IGSF21: variants seen among roughly 807,000 people sequenced by gnomAD.
The protein encoded by IGSF21 is immunoglobin superfamily member 21, also known as immunoglobulin superfamily member 21.
A neutral mutation model predicts 46.8 loss-of-function variants in IGSF21; 28 were observed. That is an observed-to-expected ratio of 0.60 (90% confidence interval 0.44 to 0.82). The LOEUF (loss-of-function observed/expected upper bound fraction) is 0.82, where lower values mean the gene tolerates loss of function less well. IGSF21 is among the 40% of genes least tolerant of loss of function. The pLI, the probability that IGSF21 is intolerant of heterozygous loss-of-function variation, is 0.00. For missense variants in IGSF21, 624 were observed against 665.5 expected (o/e 0.94, Z 0.69); for synonymous variants, 284 against 273.6 (o/e 1.04, Z -0.38).
intron 2 of IGSF21, among the ~76,000 whole-genome samples, chr1:18,288,377 C>A (rs900579385): frequency 1.3e-5 from 2 of 152,160 alleles, no homozygotes; most frequent in African/African-American, 4.8e-5. Flanking sequence ...TTACCTGTTG[C>A]TGCTGCAGCC....
At position 18,150,444 on chromosome 1, in the gene IGSF21, G is replaced by C. The variant is rs538464849; in HGVS notation, c.70+42246G>C. Among the ~76,000 whole-genome samples the C allele has an allele frequency of 2.6e-5, 4 of 152,228 alleles. No homozygotes were observed. The East Asian group carries it at 7.7e-4, about 29-fold the overall frequency. On this transcript the variant is annotated intron_variant, in intron 1 of 9. Transcript: ENST00000251296. ...TCAGGATACTTAAGGTAGTTTATAG[G>C]TTTTAACTGAGTTCCTGCCGTGTGC...
intron 3 of IGSF21, among the ~76,000 whole-genome samples, chr1:18,324,060 C>T (rs1337247864): frequency 1.3e-5 from 2 of 152,048 alleles, no homozygotes; most frequent in African/African-American, 4.8e-5. Flanking sequence ...GGCTGTACAA[C>T]CTGGGAGACC....
intron 2 of IGSF21, among the ~76,000 whole-genome samples, chr1:18,257,121 G>A (rs2084900233): frequency 1.3e-5 from 2 of 152,164 alleles, no homozygotes; most frequent in Admixed American, 6.5e-5. Context: ...GATGGGCCAG[G>A]GCAGTCAAGC....
intron 7 of IGSF21, among the ~76,000 whole-genome samples, 163 bp downstream of exon 7, chr1:18,376,558 T>A (rs1005255598): frequency 8.5e-5 from 13 of 152,156 alleles, no homozygotes; most frequent in African/African-American, 3.1e-4. Context: ...TCAGCTCCCA[T>A]GAGGAATGGC....
rs74662725 is a variant in IGSF21 at position 18,339,045 on chromosome 1, G to A, written c.424+4035G>A. ...CAAGGGGCAGGGTTTCTCTGCCACC[G>A]AGTGGGGCCCTTTCAACCCAAAGCT... On this transcript the variant is annotated intron_variant, in intron 4 of 9. Coordinates refer to ENST00000251296, the MANE Select transcript of IGSF21 (RefSeq NM_032880.5). 7.2e-5 allele frequency among the ~76,000 whole-genome samples: 11 copies of A among 152,324 alleles called. No homozygotes were observed. The East Asian group carries it at 1.7e-3, about 24-fold the overall frequency.
intron 3 of IGSF21, among the ~76,000 whole-genome samples, chr1:18,316,468 A>G (rs1391805420): frequency 6.6e-6 from 1 of 152,072 alleles, no homozygotes; most frequent in Admixed American, 6.5e-5. Flanking sequence ...TCTCCTTTGT[A>G]TCATCCTCTA....
Position 18,291,907 on chromosome 1 carries a change from C to G in IGSF21, c.225C>G (p.Phe75Leu). The stretch of plus-strand genomic sequence containing the variant: ...CCATCAAGCAAAAGATCTTCACCTT[C>G]GACGCCATGTTCTCCACCAACTACT... ...GGTIKQKIFT[F>L]DAMFSTNYSH... Residue 75 changes from phenylalanine to leucine, a missense_variant, in exon 3 of 10, where the codon TTC (phenylalanine) becomes TTG (leucine). By Grantham distance (22) the Phe-to-Leu change is conservative. Coordinates refer to ENST00000251296, the MANE Select transcript of IGSF21 (RefSeq NM_032880.5). 4 of 1,614,056 alleles carry G rather than the reference C, an allele frequency of 2.5e-6. No individual in the cohort carries two copies. The highest frequency in any genetic ancestry group is 3.4e-6 in the Non-Finnish European group (4 of 1,179,990).
intron 1 of IGSF21, among the ~76,000 whole-genome samples, chr1:18,216,066 G>A (rs1329115128): frequency 6.6e-6 from 1 of 152,202 alleles, no homozygotes; most frequent in Non-Finnish European, 1.5e-5. Context: ...AATGGAATGT[G>A]TTTGGGCTGT....
In IGSF21 at chr1:18,127,703, G is replaced by A. The variant is rs145406908; in HGVS notation, c.70+19505G>A. On this transcript the variant is annotated intron_variant, in intron 1 of 9. Coordinates refer to ENST00000251296, the MANE Select transcript of IGSF21 (RefSeq NM_032880.5). ...AGATTGCTTGAACCCAGGAGTTCAA[G>A]ACCAGCCTGGGAAACATGGTGAAAC... Among the ~76,000 whole-genome samples, 611 of 152,278 alleles carry A rather than the reference G, an allele frequency of 4.0e-3. 20 individuals carry two copies. The East Asian group carries it at 0.043, about 11-fold the overall frequency.
chr1:18,281,474 G>A (rs1569715178), intron 2 of IGSF21, among the ~76,000 whole-genome samples: 1 of 151,982 alleles, frequency 6.6e-6, no homozygotes, highest in Non-Finnish European at 1.5e-5. Context: ...GTTGAGGCAG[G>A]AGAATTGCTT....
chr1:18,215,281 T>A (rs1273110276), intron 1 of IGSF21, among the ~76,000 whole-genome samples: 4 of 152,232 alleles, frequency 2.6e-5, no homozygotes, highest in Non-Finnish European at 5.9e-5. Context: ...TCATTCAATG[T>A]GTCCTCAATG....
Position 18,120,627 on chromosome 1 carries a change from C to T in IGSF21, c.70+12429C>T, listed in dbSNP as rs72942358. ...CATATGTATAGCTAATGATTGGTAG[C>T]TATTTATATTTATAACAACAGCAGC... On this transcript the variant is annotated intron_variant, in intron 1 of 9. Transcript: ENST00000251296. Among the ~76,000 whole-genome samples the T allele has an allele frequency of 4.0e-3, 602 of 152,282 alleles. 2 individuals are homozygous for T. Among genetic ancestry groups the T allele is most frequent in the African/African-American group, 0.014 (580 of 41,546 alleles).
At chr1:18,227,233 G>A (rs1265477065) in intron 1 of IGSF21, among the ~76,000 whole-genome samples, 1 of 152,112 alleles carries the variant, frequency 6.6e-6, no homozygotes, top group Non-Finnish European at 1.5e-5. Context: ...AGCCAATGGA[G>A]GGTGTTAAGG....
intron 1 of IGSF21, among the ~76,000 whole-genome samples, chr1:18,186,044 A>T (rs2086900115): frequency 6.6e-6 from 1 of 152,198 alleles, no homozygotes; most frequent in African/African-American, 2.4e-5. Context: ...GGGGATGGCA[A>T]CATAAGTGTG....
At chr1:18,363,755 C>T (rs1004400155) in intron 5 of IGSF21, among the ~76,000 whole-genome samples, 4 of 145,306 alleles carry the variant, frequency 2.8e-5, no homozygotes, top group South Asian at 2.2e-4. Flanking sequence ...ACAGGTGAGG[C>T]GGTGGGTAGA....
intron 4 of IGSF21, among the ~76,000 whole-genome samples, chr1:18,344,939 C>T (rs1354716309): frequency 6.6e-6 from 1 of 152,192 alleles, no homozygotes; most frequent in Non-Finnish European, 1.5e-5. Context: ...AGCGAGGAGG[C>T]TGCAGAGGGA....
chr1:18,239,858 C>T (rs2084709498), intron 2 of IGSF21, among the ~76,000 whole-genome samples: 1 of 152,090 alleles, frequency 6.6e-6, no homozygotes, highest in African/African-American at 2.4e-5. Context: ...TCTCATAACA[C>T]TCTCAAAATA....
At chr1:18,368,905 G>T (rs2086197040) in intron 6 of IGSF21, among the ~76,000 whole-genome samples, 1 of 152,174 alleles carries the variant, frequency 6.6e-6, no homozygotes, top group Non-Finnish European at 1.5e-5. Flanking sequence ...GATGAGAGGG[G>T]GTGTGCCTCT....
chr1:18,168,005 A>C (rs936214541), intron 1 of IGSF21, among the ~76,000 whole-genome samples: 4 of 151,716 alleles, frequency 2.6e-5, no homozygotes, highest in South Asian at 2.1e-4. Context: ...CCTTTTAATG[A>C]CCACATTCAT....
Sources: allele counts gnomAD v4.1 joint callset (sites outside exome capture counted in the v4.1 genomes callset), GRCh38; gene constraint gnomAD v4.1.1; transcripts MANE v1.5; gene names NCBI Gene and HGNC (gene_info 2026-07-23, HGNC 2026-07-21).